The following GRID2 variants were observed in gnomAD, a reference collection of about 807,000 sequenced individuals.
GRID2 encodes the protein glutamate ionotropic receptor delta type subunit 2.
Under a neutral mutation model 114.8 loss-of-function variants are expected in GRID2, and 33 were observed. The observed-to-expected ratio is 0.29, with a 90% CI of 0.22 to 0.38. The LOEUF is 0.38. GRID2 is among the 10% of genes least tolerant of loss of function. The pLI is 1.00. For missense variants in GRID2, 1,184 were observed against 1,257.7 expected (o/e 0.94, Z 0.89); for synonymous variants, 505 against 449.9 (o/e 1.12, Z -1.55).
intron 4 of GRID2, among the ~76,000 whole-genome samples, chr4:93,166,541 G>T (rs189500719): frequency 6.6e-6 from 1 of 152,158 alleles, no homozygotes; most frequent in Non-Finnish European, 1.5e-5. Flanking sequence ...ACCCTGTATC[G>T]GTAAGGCATG....
chr4:93,243,833 A>G (rs2149520051), intron 8 of GRID2, among the ~76,000 whole-genome samples: 1 of 152,224 alleles, frequency 6.6e-6, no homozygotes, highest in Non-Finnish European at 1.5e-5. Flanking sequence ...GTATATCAAC[A>G]TGTTAGCACA....
chr4:92,825,875 C>A (rs1741663305), intron 2 of GRID2, among the ~76,000 whole-genome samples: 1 of 152,026 alleles, frequency 6.6e-6, no homozygotes, highest in Admixed American at 6.6e-5. Context: ...TTTCTGGAGC[C>A]CATGTTAGGA....
intron 2 of GRID2, among the ~76,000 whole-genome samples, chr4:92,646,941 G>C (rs1237954967): frequency 6.7e-6 from 1 of 150,246 alleles, no homozygotes; most frequent in African/African-American, 2.5e-5. Flanking sequence ...CCTATATCAG[G>C]TGTTGTACTT....
At chr4:93,006,419 A>G (rs900552374) in intron 2 of GRID2, among the ~76,000 whole-genome samples, 3 of 152,052 alleles carry the variant, frequency 2.0e-5, no homozygotes, top group African/African-American at 7.2e-5. Flanking sequence ...TTGAGCACAG[A>G]TATAAGAACA....
chr4:93,600,907 CAG>C (rs1436876885), intron 13 of GRID2, among the ~76,000 whole-genome samples: 1 of 152,098 alleles, frequency 6.6e-6, no homozygotes, highest in African/African-American at 2.4e-5. Flanking sequence ...CAAAACTAGC[CAG>C]AGTCAGAAGA....
chr4:93,295,233 C>G (rs1245566024), intron 8 of GRID2, among the ~76,000 whole-genome samples: 1 of 151,992 alleles, frequency 6.6e-6, no homozygotes, highest in East Asian at 1.9e-4. Context: ...TAAAATAAAT[C>G]ATGGAGTGAG....
intron 4 of GRID2, among the ~76,000 whole-genome samples, chr4:93,171,652 G>A (rs947302702): frequency 9.9e-5 from 15 of 152,102 alleles, no homozygotes; most frequent in African/African-American, 3.4e-4. Flanking sequence ...CCTGTTCAGT[G>A]GAGGGCCATA....
At chr4:92,443,751 A>G (rs1177382454) in intron 1 of GRID2, among the ~76,000 whole-genome samples, 2 of 152,136 alleles carry the variant, frequency 1.3e-5, no homozygotes, top group Non-Finnish European at 2.9e-5. Context: ...CCAGAAAAGC[A>G]GGACTTGCCG....
At chr4:92,611,448 T>C (rs1286697046) in intron 2 of GRID2, among the ~76,000 whole-genome samples, 1 of 151,552 alleles carries the variant, frequency 6.6e-6, no homozygotes. Context: ...ACTCCATCCT[T>C]ATGCCGTCAT....
intron 2 of GRID2, among the ~76,000 whole-genome samples, chr4:92,888,973 T>C (rs1370365795): frequency 6.6e-6 from 1 of 152,132 alleles, no homozygotes; most frequent in African/African-American, 2.4e-5. Context: ...TAATTGTCTT[T>C]CCTTTATCTT....
chr4:92,360,705 G>A (rs1014611255), intron 1 of GRID2, among the ~76,000 whole-genome samples: 1 of 151,922 alleles, frequency 6.6e-6, no homozygotes, highest in Admixed American at 6.6e-5. Flanking sequence ...TAGGTAGAGA[G>A]TGGAAGGGAT....
intron 1 of GRID2, among the ~76,000 whole-genome samples, chr4:92,426,027 TCA>T (rs1732142260): frequency 6.6e-6 from 1 of 152,086 alleles, no homozygotes; most frequent in African/African-American, 2.4e-5. Flanking sequence ...CTTTAACATC[TCA>T]CTTGGACACC....
intron 14 of GRID2, among the ~76,000 whole-genome samples, chr4:93,680,209 T>G (rs1276991834): frequency 1.3e-5 from 2 of 151,934 alleles, no homozygotes; most frequent in African/African-American, 4.8e-5. Flanking sequence ...ACACATACAC[T>G]CTCCCAAGAC....
At chr4:93,156,380 T>A (rs2149402668) in intron 4 of GRID2, among the ~76,000 whole-genome samples, 1 of 151,858 alleles carries the variant, frequency 6.6e-6, no homozygotes, top group East Asian at 1.9e-4. Flanking sequence ...TAGAAATATC[T>A]GTCAGGCAGC....
chr4:93,586,629 T>C lies in GRID2; in HGVS notation c.2194-39640T>C, dbSNP rs1018358346. Among the ~76,000 whole-genome samples the C allele has an allele frequency of 2.0e-5, 3 of 152,132 alleles. No homozygotes were observed. The South Asian group carries it at 6.2e-4, about 31-fold the overall frequency. On this transcript the variant is annotated intron_variant, in intron 13 of 15. Coordinates refer to ENST00000282020, the MANE Select transcript of GRID2 (RefSeq NM_001510.4). The stretch of plus-strand genomic sequence containing the variant: ...ACCCTAATTTTATAAATGAAGAAAC[T>C]GAATGTCAGAAAGCTTAGATGATTT...
intron 2 of GRID2, among the ~76,000 whole-genome samples, chr4:92,883,033 C>T (rs1746131963): frequency 6.6e-6 from 1 of 152,154 alleles, no homozygotes; most frequent in Admixed American, 6.6e-5. Context: ...CAAAAGATTT[C>T]TCTTTAGCAT....
intron 8 of GRID2, among the ~76,000 whole-genome samples, chr4:93,341,162 T>C (rs10028393): frequency 0.2 from 30,314 of 152,070 alleles, 6,107 homozygotes; most frequent in African/African-American, 0.52. Flanking sequence ...AGGCATAACA[T>C]ATATAATTTA....
At chr4:93,518,675 G>A (rs114238701) in intron 13 of GRID2, among the ~76,000 whole-genome samples, 456 of 152,200 alleles carry the variant, frequency 3.0e-3, no homozygotes, top group African/African-American at 0.011. Flanking sequence ...GGGAAATACC[G>A]AGAAGCAAGG....
At chr4:92,790,306 A>G (rs1000780648) in intron 2 of GRID2, among the ~76,000 whole-genome samples, 5 of 151,780 alleles carry the variant, frequency 3.3e-5, no homozygotes, top group African/African-American at 1.2e-4. Context: ...ATTTTTTAAA[A>G]CTTTTTCCTA....
Sources: allele counts gnomAD v4.1 joint callset (sites outside exome capture counted in the v4.1 genomes callset), GRCh38; gene constraint gnomAD v4.1.1; transcripts MANE v1.5; gene names NCBI Gene and HGNC (gene_info 2026-07-23, HGNC 2026-07-21).